Variants in EXD3 observed in about 807,000 individuals in gnomAD.
EXD3 encodes exonuclease mut-7 homolog.
A neutral mutation model predicts 98.0 loss-of-function variants in EXD3; 92 were observed. The ratio of observed to expected loss-of-function variants is 0.94; its 90% CI spans 0.79 to 1.12. The LOEUF is 1.12. EXD3 is among the 50% of genes most tolerant of loss of function. The probability of loss-of-function intolerance (pLI) is 0.00; values close to 1 mark genes in which losing one functional copy is unlikely to be tolerated. For missense variants in EXD3, 1,222 were observed against 1,191.6 expected (o/e 1.03, Z -0.38); for synonymous variants, 569 against 526.0 (o/e 1.08, Z -1.12).
At chr9:137,354,553 C>G (rs1246344642) in intron 9 of EXD3, 147 bp downstream of exon 9, 3 of 1,537,342 alleles carry the variant, frequency 2.0e-6, no homozygotes, top group Admixed American at 2.0e-5. Context: ...TCACCCAGGC[C>G]TGGCCCAGCT....
At chr9:137,354,275 C>T in intron 10 of EXD3, 64 bp downstream of exon 10, 1 of 1,592,636 alleles carries the variant, frequency 6.3e-7, no homozygotes. Flanking sequence ...AGGCTCCGGG[C>T]CTGTGCCCCT....
At chr9:137,404,359 G>A (rs759640841) in intron 1 of EXD3, among the ~76,000 whole-genome samples, 19 of 152,238 alleles carry the variant, frequency 1.2e-4, no homozygotes, top group African/African-American at 1.9e-4. Context: ...TATTCCCTCC[G>A]CCTTCATGAA....
intron 7 of EXD3, among the ~76,000 whole-genome samples, chr9:137,357,731 T>C (rs1834865744): frequency 2.0e-5 from 2 of 99,114 alleles, no homozygotes; most frequent in Admixed American, 2.4e-4. Context: ...ATATACAGGA[T>C]ATATATATAT....
At chr9:137,334,902 C>G (rs1307207345) in intron 17 of EXD3, among the ~76,000 whole-genome samples, 1 of 151,794 alleles carries the variant, frequency 6.6e-6, no homozygotes, top group Admixed American at 6.6e-5. Flanking sequence ...ACAGTGAAAC[C>G]CCATCTCTAC....
At chr9:137,348,259 G>A in intron 16 of EXD3, 21 bp from the exon 17 acceptor site, 1 of 1,605,692 alleles carries the variant, frequency 6.2e-7, no homozygotes, top group East Asian at 2.2e-5. Flanking sequence ...GCCCTGGTCA[G>A]CAGTCCCACG....
chr9:137,351,537 A>C lies in EXD3; in HGVS notation c.1174-9T>G. 1 of 1,570,896 alleles carries C rather than the reference A, an allele frequency of 6.4e-7. No individual in the cohort carries two copies. On this transcript the variant is annotated splice_polypyrimidine_tract_variant and intron_variant, in intron 12 of 21. Coordinates refer to ENST00000340951, the MANE Select transcript of EXD3 (RefSeq NM_017820.5). ...CCAACCACTTGGTGGCACTGCGGGC[A>C]GAGAGGGGCAGATGTGATCATCAGG...
At position 137,393,705 on chromosome 9, in the gene EXD3, C is replaced by T. The variant is rs988525443; in HGVS notation, c.55+1598G>A. On this transcript the variant is annotated intron_variant, in intron 2 of 21. Transcript: ENST00000340951. The surrounding 1 kb of genome is among the most constrained non-coding windows in gnomAD (Gnocchi z 4.6). The stretch of plus-strand genomic sequence containing the variant: ...AAACTGAGGCAGAGAGCCTCAGCTG[C>T]TGCCATGTGGGAGCAGGGCTTTCAC... Among the ~76,000 whole-genome samples the T allele has an allele frequency of 6.6e-6, 1 of 152,198 alleles. No homozygotes were observed. Among genetic ancestry groups the T allele is most frequent in the African/African-American group, 2.4e-5 (1 of 41,452 alleles).
At chr9:137,337,970 G>A (rs563456766) in intron 17 of EXD3, among the ~76,000 whole-genome samples, 24 of 152,072 alleles carry the variant, frequency 1.6e-4, no homozygotes, top group African/African-American at 5.5e-4. Context: ...TGAATTTTTA[G>A]TACAGACAGG....
At chr9:137,416,176 G>A (rs985892257) in intron 1 of EXD3, among the ~76,000 whole-genome samples, 3 of 152,222 alleles carry the variant, frequency 2.0e-5, no homozygotes, top group Non-Finnish European at 2.9e-5. Flanking sequence ...CCACAGCCAG[G>A]GCTTTCGCTC....
At chr9:137,377,781 T>G (rs577675422) in intron 3 of EXD3, among the ~76,000 whole-genome samples, 1 of 148,378 alleles carries the variant, frequency 6.7e-6, no homozygotes, top group South Asian at 2.1e-4. Context: ...CAAAAAATAG[T>G]CGTTGAATTT....
chr9:137,411,022 G>A lies in EXD3; in HGVS notation c.-48+12092C>T, dbSNP rs549514202. Reference sequence around the variant, plus strand: ...AGCCCCCAGCCTCAGTGCAGATTTCGGTCATTGGCTGTGGCTGCCCTGTGC... The same window carrying A: ...AGCCCCCAGCCTCAGTGCAGATTTCAGTCATTGGCTGTGGCTGCCCTGTGC... On this transcript the variant is annotated intron_variant, in intron 1 of 21. Coordinates refer to ENST00000340951, the MANE Select transcript of EXD3 (RefSeq NM_017820.5). Among the ~76,000 whole-genome samples, 7 of 152,328 alleles carry A rather than the reference G, an allele frequency of 4.6e-5. No individual in the cohort carries two copies. The East Asian group carries it at 7.7e-4, about 17-fold the overall frequency.
intron 19 of EXD3, 78 bp downstream of exon 19, chr9:137,323,642 AGGGTG>A: frequency 6.5e-7 from 1 of 1,538,568 alleles, no homozygotes; most frequent in Non-Finnish European, 8.8e-7. Context: ...ACCACTGTCT[AGGGTG>A]GGGCCCACCT....
rs761154510 is a variant in EXD3, at chr9:137,349,541, C to T, written c.1495-10G>A. 1.3e-6 allele frequency: 2 copies of T among 1,564,218 alleles called. No individual in the cohort carries two copies. On this transcript the variant is annotated splice_polypyrimidine_tract_variant and intron_variant, in intron 14 of 21. Coordinates refer to ENST00000340951, the MANE Select transcript of EXD3 (RefSeq NM_017820.5). This position sits in a 1 kb window ranked among gnomAD's most constrained non-coding sequence, Gnocchi z 7.4. Reference sequence around the variant, plus strand: ...CGCTCGCCACCCGCATCTGCTAAGACAGTGCCCTGCAGGGTAACGCGTCTG... The same window carrying T: ...CGCTCGCCACCCGCATCTGCTAAGATAGTGCCCTGCAGGGTAACGCGTCTG...
chr9:137,307,041 C>G lies in EXD3; in HGVS notation c.2540G>C (p.Arg847Pro), dbSNP rs375831870. 3 of 1,612,302 alleles carry G rather than the reference C, an allele frequency of 1.9e-6. No individual in the cohort carries two copies. The highest frequency in any genetic ancestry group is 2.5e-6 in the Non-Finnish European group (3 of 1,179,662). ...KVFWDGSHLG[R>P]VATHFRDMLE... The stretch of plus-strand genomic sequence containing the variant: ...CATGTCTCGGAAGTGGGTGGCAACA[C>G]GACCCAGGTGGGAGCCGTCCCAGAA... Residue 847 changes from arginine (R) to proline (P), a missense_variant, in exon 22 of 22, where the codon CGT (arginine) becomes CCT (proline). Coordinates refer to ENST00000340951, the MANE Select transcript of EXD3 (RefSeq NM_017820.5).
At chr9:137,352,325 C>G in intron 11 of EXD3, 124 bp from the exon 12 acceptor site, 12 of 1,359,350 alleles carry the variant, frequency 8.8e-6, no homozygotes, top group Non-Finnish European at 1.2e-5. Context: ...GCTCCTCCTC[C>G]CACACCGGCT....
At chr9:137,377,020 G>C (rs1234635630) in intron 3 of EXD3, 1 of 150,916 alleles carries the variant, frequency 6.6e-6, no homozygotes, top group Non-Finnish European at 1.5e-5. Context: ...CTTCCCTCAA[G>C]CCAGCTACGG....
intron 19 of EXD3, among the ~76,000 whole-genome samples, chr9:137,321,982 G>A (rs1380078905): frequency 6.6e-6 from 1 of 152,176 alleles, no homozygotes; most frequent in African/African-American, 2.4e-5. Flanking sequence ...GCCCTGGGCA[G>A]GTGCCTCAGC....
chr9:137,384,037 T>C (rs1223879066), intron 2 of EXD3, among the ~76,000 whole-genome samples: 1 of 151,814 alleles, frequency 6.6e-6, no homozygotes, highest in East Asian at 1.9e-4. Context: ...TGTGGTAGGG[T>C]CAGGGTCGGA....
chr9:137,327,559 T>C (rs1053391986), intron 17 of EXD3, among the ~76,000 whole-genome samples: 3 of 152,156 alleles, frequency 2.0e-5, no homozygotes, highest in African/African-American at 7.2e-5. Context: ...CAATTTCGTG[T>C]TATGTATGTT....
Sources: allele counts gnomAD v4.1 joint callset (sites outside exome capture counted in the v4.1 genomes callset), GRCh38; gene constraint gnomAD v4.1.1; non-coding constraint Gnocchi (gnomAD v3.1); transcripts MANE v1.5; gene names NCBI Gene and HGNC (gene_info 2026-07-23, HGNC 2026-07-21).